The following CMTM8 variants were observed in gnomAD, a reference collection of about 807,000 sequenced individuals.
CMTM8 encodes CKLF like MARVEL transmembrane domain containing 8.
In CMTM8, 12 loss-of-function variants were observed where a neutral mutation model predicts 18.6. The ratio of observed to expected loss-of-function variants is 0.65; its 90% CI spans 0.41 to 1.05. The LOEUF (loss-of-function observed/expected upper bound fraction) is 1.05, where lower values mean the gene tolerates loss of function less well. Ranked by LOEUF, CMTM8 falls within the 50% of genes least tolerant of loss-of-function variation. The pLI is 0.00. For missense variants in CMTM8, 217 were observed against 227.2 expected (o/e 0.95, Z 0.29); for synonymous variants, 87 against 90.6 (o/e 0.96, Z 0.23).
At chr3:32,291,171 C>T (rs944537423) in intron 1 of CMTM8, among the ~76,000 whole-genome samples, 21 of 151,942 alleles carry the variant, frequency 1.4e-4, no homozygotes, top group African/African-American at 4.3e-4. Flanking sequence ...TTCTCTCTCT[C>T]AGTCTGGAGT....
chr3:32,247,114 TA>T (rs973887805), intron 1 of CMTM8, among the ~76,000 whole-genome samples: 1 of 152,052 alleles, frequency 6.6e-6, no homozygotes, highest in African/African-American at 2.4e-5. Flanking sequence ...AAATAAAAAT[TA>T]AAAAAAGATA....
intron 1 of CMTM8, among the ~76,000 whole-genome samples, chr3:32,309,347 G>A (rs541945997): frequency 3.5e-4 from 45 of 127,204 alleles, no homozygotes; most frequent in South Asian, 1.7e-3. Context: ...TTGCCCTGTC[G>A]CCCAGGCTGG....
At chr3:32,248,416 C>T (rs1477371275) in intron 1 of CMTM8, among the ~76,000 whole-genome samples, 6 of 152,026 alleles carry the variant, frequency 3.9e-5, no homozygotes, top group South Asian at 2.1e-4. Context: ...GGCTGGGGTG[C>T]GGTAGCGCGA....
intron 1 of CMTM8, among the ~76,000 whole-genome samples, chr3:32,306,738 A>C (rs1476759328): frequency 6.6e-6 from 1 of 152,208 alleles, no homozygotes; most frequent in African/African-American, 2.4e-5. Flanking sequence ...TTTGGTGCTA[A>C]GGTTTAGTGG....
chr3:32,315,464 T>C (rs977975020), intron 1 of CMTM8, among the ~76,000 whole-genome samples: 3 of 152,142 alleles, frequency 2.0e-5, no homozygotes, highest in Non-Finnish European at 2.9e-5. Flanking sequence ...AAGGAAGAGA[T>C]GCGGACACTG....
intron 1 of CMTM8, among the ~76,000 whole-genome samples, chr3:32,293,627 C>T (rs549990660): frequency 2.0e-5 from 3 of 152,210 alleles, no homozygotes; most frequent in South Asian, 4.2e-4. Flanking sequence ...AGGTGGATCA[C>T]CTGAGGTCAG....
chr3:32,315,446 T>C (rs1406189135), intron 1 of CMTM8, among the ~76,000 whole-genome samples: 2 of 152,126 alleles, frequency 1.3e-5, no homozygotes, highest in African/African-American at 4.8e-5. Flanking sequence ...TCAAAGACTT[T>C]GCAGTTCAAG....
At chr3:32,350,375 T>TTTTTA (rs1446964869) in intron 1 of CMTM8, among the ~76,000 whole-genome samples, 1 of 151,406 alleles carries the variant, frequency 6.6e-6, no homozygotes, top group African/African-American at 2.4e-5. Context: ...TTTTTTTTTT[T>TTTTTA]GAGACAGAGT....
At position 32,259,790 on chromosome 3, in the gene CMTM8, C is replaced by T. The variant is rs1316252070; in HGVS notation, c.147+20671C>T. The T allele has an allele frequency of 5.9e-6, 5 of 842,072 alleles. No homozygotes were observed. In the Admixed American group the frequency reaches 6.8e-5, roughly 11 times the overall value. The allele number at this position is 842,072 out of a possible 1,614,324, so 52.2% of individuals were successfully genotyped here. The stretch of plus-strand genomic sequence containing the variant: ...GGAGAGCACCACAGTGGTCACCACA[C>T]AGTCCGCCGAGGTTGGAGCTGCTGA... On this transcript the variant is annotated intron_variant, in intron 1 of 3. Transcript: ENST00000307526.
chr3:32,363,280 C>T (rs1696970771), intron 2 of CMTM8, among the ~76,000 whole-genome samples: 1 of 152,158 alleles, frequency 6.6e-6, no homozygotes, highest in African/African-American at 2.4e-5. Context: ...GTGACTCTGC[C>T]ATCTTTAACA....
chr3:32,315,170 C>T (rs1695898665), intron 1 of CMTM8, among the ~76,000 whole-genome samples: 1 of 150,462 alleles, frequency 6.6e-6, no homozygotes, highest in African/African-American at 2.5e-5. Context: ...CACTCTGTCA[C>T]TCAGGCTGGA....
chr3:32,275,106 G>C (rs1702495623), intron 1 of CMTM8, among the ~76,000 whole-genome samples: 1 of 152,070 alleles, frequency 6.6e-6, no homozygotes, highest in Non-Finnish European at 1.5e-5. Flanking sequence ...CAAGGCTCAA[G>C]CAGTCCTCCC....
In CMTM8 at chr3:32,358,453, T is replaced by G. The variant is rs1403540437; in HGVS notation, c.321+907T>G. ...AACAGAGCTCTCCAGTGATACTATT[T>G]TTTTGTCTGTTTTCAACCAATATGT... On this transcript the variant is annotated intron_variant, in intron 2 of 3. Transcript: ENST00000307526. This position sits in a 1 kb window ranked among gnomAD's most constrained non-coding sequence, Gnocchi z 4.1. 6.6e-6 allele frequency among the ~76,000 whole-genome samples: 1 copy of G among 152,256 alleles called. No homozygotes were observed.
At chr3:32,289,974 T>C (rs60387783) in intron 1 of CMTM8, among the ~76,000 whole-genome samples, 45,297 of 151,868 alleles carry the variant, frequency 0.3, 7,387 homozygotes, top group East Asian at 0.7. Flanking sequence ...CTACAAAATA[T>C]ACAAAAATTA....
chr3:32,357,312 C>T, intron 1 of CMTM8, 61 bp from the exon 2 acceptor site: 1 of 1,233,788 alleles, frequency 8.1e-7, no homozygotes, highest in African/African-American at 1.5e-5. Context: ...GTCCCTCCTT[C>T]CTTCTTTTTC....
chr3:32,317,559 A>T (rs1350919054), intron 1 of CMTM8, among the ~76,000 whole-genome samples: 1 of 152,238 alleles, frequency 6.6e-6, no homozygotes, highest in Non-Finnish European at 1.5e-5. Flanking sequence ...ACAATAATGA[A>T]TGCAGGTACC....
intron 1 of CMTM8, among the ~76,000 whole-genome samples, chr3:32,352,175 GA>G: frequency 8.7e-5 from 1 of 11,488 alleles, no homozygotes; most frequent in Non-Finnish European, 2.5e-4. Context: ...GAGACTGTCT[GA>G]AAAAAAACAC....
rs545993351 is a variant in CMTM8 at position 32,282,822 on chromosome 3, T to C, written c.147+43703T>C. ...GCTGCTCTGGCCCCCTTGCTGCTTT[T>C]GTGACACAGCAAGCATGCTCCAGCT... On this transcript the variant is annotated intron_variant, in intron 1 of 3. Coordinates refer to ENST00000307526, the MANE Select transcript of CMTM8 (RefSeq NM_178868.5). Among the ~76,000 whole-genome samples, 8 of 152,346 alleles carry C rather than the reference T, an allele frequency of 5.3e-5. No homozygotes were observed. The East Asian group carries it at 1.5e-3, about 29-fold the overall frequency.
At chr3:32,351,807 A>T (rs182577000) in intron 1 of CMTM8, among the ~76,000 whole-genome samples, 27 of 152,304 alleles carry the variant, frequency 1.8e-4, no homozygotes, top group African/African-American at 6.5e-4. Context: ...TTTGCCACAT[A>T]TATAGTTGGT....
Sources: gnomAD v4.1 joint callset for allele counts (sites outside exome capture counted in the v4.1 genomes callset) on GRCh38, gnomAD v4.1.1 for gene constraint, Gnocchi (gnomAD v3.1) non-coding constraint, MANE v1.5 for transcripts, NCBI Gene and HGNC (gene_info 2026-07-23, HGNC 2026-07-21) for gene names.